The following RUFY4 variants were observed in gnomAD, a reference collection of about 807,000 sequenced individuals.
RUFY4 encodes the protein RUN and FYVE domain-containing protein 4.
RUFY4 carries 73 observed loss-of-function variants against 69.0 expected under a neutral mutation model. That is an observed-to-expected ratio of 1.06 (90% confidence interval 0.88 to 1.29). The LOEUF is 1.29. Among genes scored for constraint, RUFY4 ranks in the 50% most tolerant of loss-of-function variants. RUFY4 has a pLI of 0.00. For missense variants in RUFY4, 770 were observed against 705.6 expected (o/e 1.09, Z -1.03); for synonymous variants, 287 against 271.8 (o/e 1.06, Z -0.55).
Position 218,060,815 on chromosome 2 carries a change from G to T in RUFY4, c.-1071+2134G>T, listed in dbSNP as rs181847502. On this transcript the variant is annotated intron_variant and NMD_transcript_variant, in intron 3 of 13. Coordinates refer to the RUFY4 transcript ENST00000457754. ...ACAGCATCCACCAGTTTGCTGTATT[G>T]TTGCCCATGTCCTCATAGCAGACTG... The T allele has an allele frequency of 5.7e-5, 91 of 1,588,086 alleles. 1 individual carries two copies. The Admixed American group carries it at 1.5e-3, about 26-fold the overall frequency.
At chr2:218,039,692 C>T (rs1959033509) in intron 2 of RUFY4, among the ~76,000 whole-genome samples, 1 of 152,202 alleles carries the variant, frequency 6.6e-6, no homozygotes, top group Non-Finnish European at 1.5e-5. Flanking sequence ...GGAGCAGTGA[C>T]CTTGACCCCA....
intron 2 of RUFY4, among the ~76,000 whole-genome samples, chr2:218,053,346 CT>C (rs35134006): frequency 0.38 from 51,032 of 134,964 alleles, 8,526 homozygotes; most frequent in East Asian, 0.69. Context: ...GATATTAAAC[CT>C]TTTTTTTTTT....
chr2:218,073,105 A>G, intron 4 of RUFY4, 138 bp from the exon 7 acceptor site: 3 of 1,206,902 alleles, frequency 2.5e-6, no homozygotes, highest in East Asian at 5.2e-5. Context: ...AAGGGCCACA[A>G]CTCTGCCTGG....
chr2:218,077,502 C>T (rs557039742), intron 8 of RUFY4, among the ~76,000 whole-genome samples: 1 of 152,284 alleles, frequency 6.6e-6, no homozygotes, highest in South Asian at 2.1e-4. Context: ...CCACACCCAG[C>T]CCATAATTTA....
upstream of RUFY4, chr2:218,069,262 G>A (rs1029231267): frequency 6.6e-6 from 1 of 152,326 alleles, no homozygotes; most frequent in Non-Finnish European, 1.5e-5. Flanking sequence ...TGTAAATCCT[G>A]GGACTGCTGT....
intron 8 of RUFY4, 64 bp downstream of exon 10, chr2:218,076,597 C>T (rs113370096): frequency 1.2e-5 from 18 of 1,533,240 alleles, no homozygotes; most frequent in East Asian, 1.0e-4. Context: ...CTGTCAATCA[C>T]GGTCAAGCCA....
exon 11 of RUFY4, chr2:218,090,266 C>G (rs987682252): frequency 5.6e-6 from 2 of 359,942 alleles, no homozygotes; most frequent in African/African-American, 4.3e-5. Flanking sequence ...GTGACTTTGG[C>G]GAAGCTCTCA....
upstream of RUFY4, chr2:218,070,392 G>C: frequency 3.2e-6 from 2 of 615,834 alleles, no homozygotes; most frequent in South Asian, 3.6e-5. Context: ...TCAATCGGTG[G>C]AGGCCACACC....
exon 11 of RUFY4, chr2:218,089,989 G>A (rs553489546): frequency 1.3e-6 from 2 of 1,569,286 alleles, no homozygotes; most frequent in South Asian, 2.4e-5. Context: ...TTGCTCCATG[G>A]ATTACAAGAA....
intron 3 of RUFY4, among the ~76,000 whole-genome samples, chr2:218,064,001 C>T (rs757737966): frequency 6.6e-6 from 1 of 152,178 alleles, no homozygotes; most frequent in Non-Finnish European, 1.5e-5. Context: ...GCTTCAGCCA[C>T]AGCCCATCAG....
At chr2:218,043,147 C>T (rs1459098378) in intron 2 of RUFY4, among the ~76,000 whole-genome samples, 1 of 152,186 alleles carries the variant, frequency 6.6e-6, no homozygotes, top group East Asian at 1.9e-4. Context: ...GGCAGGTTGT[C>T]TCATTGAGTC....
chr2:218,068,897 C>G (rs1258891235), upstream of RUFY4: 1 of 152,372 alleles, frequency 6.6e-6, no homozygotes, highest in African/African-American at 2.4e-5. Flanking sequence ...CGCTGCCTCT[C>G]AGCCCAACCA....
chr2:218,045,569 T>C (rs1688807392), intron 2 of RUFY4, among the ~76,000 whole-genome samples: 1 of 152,186 alleles, frequency 6.6e-6, no homozygotes. Context: ...ATAAAATGAA[T>C]AATCATTCTC....
upstream of RUFY4, chr2:218,070,309 C>A: frequency 2.2e-6 from 1 of 445,232 alleles, no homozygotes; most frequent in Non-Finnish European, 4.2e-6. Flanking sequence ...AGTTAATAAC[C>A]TCCAGGATTA....
chr2:218,072,271 A>G, intron 2 of RUFY4, 103 bp from the exon 5 acceptor site: 1 of 1,399,812 alleles, frequency 7.1e-7, no homozygotes, highest in South Asian at 1.4e-5. Flanking sequence ...GTGTGTCTGC[A>G]GGAGCCCTCT....
intron 10 of RUFY4, 138 bp downstream of exon 12, chr2:218,089,500 T>C: frequency 1.5e-6 from 1 of 681,594 alleles, no homozygotes; most frequent in Non-Finnish European, 2.6e-6. Flanking sequence ...CTACTCATTC[T>C]ACCACATCTG....
chr2:218,055,229 T>A (rs1427347670), intron 2 of RUFY4, among the ~76,000 whole-genome samples: 2 of 152,074 alleles, frequency 1.3e-5, no homozygotes, highest in Non-Finnish European at 2.9e-5. Context: ...ACCCCATCTC[T>A]ACTAAAAATA....
chr2:218,085,856 G>A (rs969071157), intron 9 of RUFY4, among the ~76,000 whole-genome samples: 1 of 152,206 alleles, frequency 6.6e-6, no homozygotes, highest in African/African-American at 2.4e-5. Context: ...CTAAAGGGAA[G>A]CCACTAGTCA....
intron 2 of RUFY4, among the ~76,000 whole-genome samples, chr2:218,037,259 G>A (rs7559346): frequency 0.11 from 16,280 of 151,836 alleles, 2,796 homozygotes; most frequent in African/African-American, 0.36. Flanking sequence ...GGCGGAGGTT[G>A]CAGTGAGTGG....
Sources: allele counts gnomAD v4.1 joint callset (sites outside exome capture counted in the v4.1 genomes callset), GRCh38; gene constraint gnomAD v4.1.1; transcripts MANE v1.5; gene names NCBI Gene and HGNC (gene_info 2026-07-23, HGNC 2026-07-21).